TRHDE: variants seen among roughly 807,000 people sequenced by gnomAD.
TRHDE encodes thyrotropin releasing hormone degrading enzyme, also known as thyrotropin-releasing hormone-degrading ectoenzyme.
A neutral mutation model predicts 125.7 loss-of-function variants in TRHDE; 72 were observed. The ratio of observed to expected loss-of-function variants is 0.57; its 90% confidence interval spans 0.47 to 0.70. The LOEUF is 0.70. TRHDE is among the 30% of genes least tolerant of loss of function. The pLI is 0.00. For missense variants in TRHDE, 1,110 were observed against 1,327.1 expected (o/e 0.84, Z 2.54); for synonymous variants, 509 against 509.1 (o/e 1.00, Z 0.00).
chr12:72,625,241 C>T (rs1873211994), intron 15 of TRHDE, among the ~76,000 whole-genome samples: 1 of 151,702 alleles, frequency 6.6e-6, no homozygotes, highest in South Asian at 2.1e-4. Context: ...TATTTAAATA[C>T]TGTTAAAGGG....
intron 3 of TRHDE, among the ~76,000 whole-genome samples, chr12:72,450,765 T>A (rs527605270): frequency 4.6e-5 from 7 of 152,266 alleles, no homozygotes; most frequent in African/African-American, 1.7e-4. Flanking sequence ...ATCAAGGGAA[T>A]GTGTGCAAGG....
chr12:72,165,563 T>C (rs1381976666), intron 2 of TRHDE, among the ~76,000 whole-genome samples: 2 of 152,138 alleles, frequency 1.3e-5, no homozygotes, highest in East Asian at 1.9e-4. Context: ...ATACTATGAT[T>C]ATTTTTCCAA....
At chr12:72,648,078 T>C (rs1031195754) in intron 15 of TRHDE, among the ~76,000 whole-genome samples, 6 of 152,126 alleles carry the variant, frequency 3.9e-5, no homozygotes, top group Admixed American at 1.3e-4. Flanking sequence ...ATCTCTGAGA[T>C]GCGAGGATGC....
At chr12:72,446,142 G>C (rs1382895340) in intron 3 of TRHDE, among the ~76,000 whole-genome samples, 1 of 141,424 alleles carries the variant, frequency 7.1e-6, no homozygotes, top group African/African-American at 2.8e-5. Context: ...GGGCCCGATT[G>C]TGCATTTCTT....
At chr12:72,439,241 C>G (rs1874886711) in intron 3 of TRHDE, among the ~76,000 whole-genome samples, 1 of 151,872 alleles carries the variant, frequency 6.6e-6, no homozygotes, top group Non-Finnish European at 1.5e-5. Context: ...TGTGGTGCCT[C>G]CAGCTTTGAT....
At chr12:72,358,503 G>A (rs919921607) in intron 2 of TRHDE, among the ~76,000 whole-genome samples, 7 of 151,594 alleles carry the variant, frequency 4.6e-5, no homozygotes, top group African/African-American at 1.7e-4. Context: ...TGTGTTATCA[G>A]TGAGGTGGTC....
At chr12:72,502,274 C>T (rs1448531068) in intron 6 of TRHDE, among the ~76,000 whole-genome samples, 5 of 151,940 alleles carry the variant, frequency 3.3e-5, no homozygotes, top group African/African-American at 9.7e-5. Flanking sequence ...TTCTTCTGTT[C>T]CATTTTAAGC....
At chr12:72,419,376 A>G (rs908595655) in intron 3 of TRHDE, among the ~76,000 whole-genome samples, 3 of 152,198 alleles carry the variant, frequency 2.0e-5, no homozygotes, top group African/African-American at 4.8e-5. Flanking sequence ...GGTAATTTAT[A>G]AAGAACAGAG....
intron 6 of TRHDE, among the ~76,000 whole-genome samples, chr12:72,506,538 C>G (rs923498680): frequency 6.6e-6 from 1 of 152,124 alleles, no homozygotes; most frequent in African/African-American, 2.4e-5. Flanking sequence ...ACTCATTTTA[C>G]TGACGAGAAA....
intron 2 of TRHDE, among the ~76,000 whole-genome samples, chr12:72,300,815 A>G (rs1868251896): frequency 6.6e-6 from 1 of 152,136 alleles, no homozygotes; most frequent in Non-Finnish European, 1.5e-5. Context: ...GAAGAAAAAA[A>G]TCAATAGGTT....
At chr12:72,536,946 A>G (rs1018413732) in intron 6 of TRHDE, among the ~76,000 whole-genome samples, 1 of 152,000 alleles carries the variant, frequency 6.6e-6, no homozygotes, top group African/African-American at 2.4e-5. Context: ...TTATTTTTCT[A>G]AGTTCTTGCT....
Position 72,128,429 on chromosome 12 carries a change from A to G in TRHDE, n.279+22677A>G, listed in dbSNP as rs528399458. ...AGCATTTAATCCAGGATTACCAAGCATGCAAAGAAGCAGGACAACATGATC... is the reference window on the plus strand; with the variant it reads ...AGCATTTAATCCAGGATTACCAAGCGTGCAAAGAAGCAGGACAACATGATC... On this transcript the variant is annotated intron_variant and non_coding_transcript_variant, in intron 2 of 4. Transcript: ENST00000548156. Among the ~76,000 whole-genome samples, 172 of 152,330 alleles carry G rather than the reference A, an allele frequency of 1.1e-3. 1 individual carries two copies. The highest frequency in any genetic ancestry group is 5.1e-3 in the Admixed American group (78 of 15,300).
intron 2 of TRHDE, among the ~76,000 whole-genome samples, chr12:72,325,158 A>AT (rs35868672): frequency 0.63 from 95,932 of 151,088 alleles, 30,889 homozygotes; most frequent in Non-Finnish European, 0.7. Flanking sequence ...CATTTGCTTC[A>AT]TTTTTTTTTA....
chr12:72,146,197 G>A (rs1243075151), intron 2 of TRHDE, among the ~76,000 whole-genome samples: 1 of 152,200 alleles, frequency 6.6e-6, no homozygotes, highest in Non-Finnish European at 1.5e-5. Flanking sequence ...AGCCTTCACT[G>A]AGAAACTAAA....
exon 2 of TRHDE, chr12:72,105,688 A>T (rs1875170836): frequency 6.6e-6 from 1 of 152,188 alleles, no homozygotes; most frequent in African/African-American, 2.4e-5. Flanking sequence ...TCAAGATCAT[A>T]CAGCTAATAG....
chr12:72,300,696 A>G (rs1868251153), intron 2 of TRHDE, among the ~76,000 whole-genome samples: 2 of 151,876 alleles, frequency 1.3e-5, no homozygotes, highest in Non-Finnish European at 2.9e-5. Context: ...CACACAGTAT[A>G]TATATGTGTG....
At chr12:72,492,295 A>C (rs1877719240) in intron 5 of TRHDE, among the ~76,000 whole-genome samples, 1 of 151,904 alleles carries the variant, frequency 6.6e-6, no homozygotes, top group African/African-American at 2.4e-5. Context: ...TGGTGGTATA[A>C]TTTTTCACTG....
At position 72,325,107 on chromosome 12, in the gene TRHDE, A is replaced by G. The variant is rs1181994043; in HGVS notation, c.1188+38153A>G. Among the ~76,000 whole-genome samples, 4 of 152,280 alleles carry G rather than the reference A, an allele frequency of 2.6e-5. No individual in the cohort carries two copies. The East Asian group carries it at 5.8e-4, about 22-fold the overall frequency. ...AATTTAAAAAAAGAAAAGCAGAATG[A>G]AACTCGGTGGAACTCTTTTGACAAA... On this transcript the variant is annotated intron_variant, in intron 2 of 18. Transcript: ENST00000261180.
intron 12 of TRHDE, among the ~76,000 whole-genome samples, chr12:72,577,159 G>GA (rs575323272): frequency 1.3e-5 from 2 of 152,126 alleles, no homozygotes; most frequent in South Asian, 4.1e-4. Flanking sequence ...ATAATGTACT[G>GA]AAAGAGAAGC....
Sources: allele counts gnomAD v4.1 joint callset (sites outside exome capture counted in the v4.1 genomes callset), GRCh38; gene constraint gnomAD v4.1.1; transcripts MANE v1.5; gene names NCBI Gene and HGNC (gene_info 2026-07-23, HGNC 2026-07-21).